Variants in EIF3J observed in about 807,000 individuals in gnomAD.
EIF3J encodes the protein eukaryotic translation initiation factor 3 subunit J, also known as eukaryotic translation initiation factor 3, subunit 1 (alpha, 35kD).
In EIF3J, 15 loss-of-function variants were observed where a neutral mutation model predicts 39.0. That is an observed-to-expected ratio of 0.38 (90% confidence interval 0.26 to 0.59). EIF3J has a LOEUF of 0.59. EIF3J is among the 20% of genes least tolerant of loss of function. EIF3J has a pLI of 0.60. For synonymous variants in EIF3J, 98 were observed against 112.9 expected, an observed-to-expected ratio of 0.87 and a Z score of 0.84; for missense variants, 226 against 308.6, an observed-to-expected ratio of 0.73 and a Z score of 2.00.
At chr15:44,553,973 C>T (rs1467550927) in intron 4 of EIF3J, among the ~76,000 whole-genome samples, 1 of 152,134 alleles carries the variant, frequency 6.6e-6, no homozygotes, top group Non-Finnish European at 1.5e-5. Flanking sequence ...GAAGTAACCC[C>T]AGTCTTCCTG....
intron 4 of EIF3J, among the ~76,000 whole-genome samples, chr15:44,553,013 C>T (rs2082113332): frequency 1.3e-5 from 2 of 151,682 alleles, no homozygotes; most frequent in Admixed American, 1.3e-4. Context: ...TAGGGAGACC[C>T]CGTCTCTACA....
intron 6 of EIF3J, among the ~76,000 whole-genome samples, chr15:44,559,495 CAGG>C (rs1183294917): frequency 2.6e-5 from 4 of 151,364 alleles, no homozygotes; most frequent in Admixed American, 1.3e-4. Context: ...CGGATCACGT[CAGG>C]AGATCAAGAG....
chr15:44,556,119 GCCTC>G (rs1483584683), intron 5 of EIF3J, among the ~76,000 whole-genome samples: 1 of 152,130 alleles, frequency 6.6e-6, no homozygotes, highest in African/African-American at 2.4e-5. Context: ...TGCCGCCTTG[GCCTC>G]CTAAAGTGCT....
chr15:44,562,405 G>T lies in EIF3J; in HGVS notation c.*1256G>T, dbSNP rs190869234. The T allele has an allele frequency of 6.6e-6, 1 of 152,630 alleles. No individual in the cohort carries two copies. The highest frequency in any genetic ancestry group is 1.5e-5 in the Non-Finnish European group (1 of 68,008). The allele number at this position is 152,630 out of a possible 1,614,324, so 9.5% of individuals were successfully genotyped here. ...TTATGGCTGTTAAGTATAGATTGGG[G>T]AATCTTTATTATGTCTTCTCCTAAG... On this transcript the variant is annotated 3_prime_UTR_variant, in exon 8 of 8. Coordinates refer to ENST00000261868, the MANE Select transcript of EIF3J (RefSeq NM_003758.4).
intron 2 of EIF3J, among the ~76,000 whole-genome samples, chr15:44,538,096 TCAA>T (rs2081975889): frequency 3.3e-5 from 5 of 152,186 alleles, no homozygotes; most frequent in Non-Finnish European, 7.4e-5. Flanking sequence ...CGACAGTTAC[TCAA>T]CTACACACAT....
intron 7 of EIF3J, chr15:44,560,707 T>C: frequency 2.9e-6 from 1 of 339,364 alleles, no homozygotes; most frequent in Non-Finnish European, 5.4e-6. Context: ...GCTTTGTGAT[T>C]TTAAATTGGG....
chr15:44,547,406 G>GT (rs2082062642), intron 2 of EIF3J, among the ~76,000 whole-genome samples: 1 of 149,346 alleles, frequency 6.7e-6, no homozygotes, highest in Non-Finnish European at 1.5e-5. Context: ...GCCTCCCAAA[G>GT]TGTTGGGATT....
rs2081965146 is a variant in EIF3J, at chr15:44,537,210, G to GGCGGCGT, written c.16_17insGCGGCGT (p.Ala6GlyfsTer48). 1 of 1,605,920 alleles carries GGCGGCGT rather than the reference G, an allele frequency of 6.2e-7. No homozygotes were observed. The highest frequency in any genetic ancestry group is 1.7e-5 in the Admixed American group (1 of 59,176). ...CCGGCTCGAGATGGCGGCGGCGGCGGCGGCGGCGGGGGACTCGGACTCCTG... is the reference window on the plus strand; with the variant it reads ...CCGGCTCGAGATGGCGGCGGCGGCGGGCGGCGTCGGCGGCGGGGGACTCGGACTCCTG... On this transcript the variant is annotated frameshift_variant, in exon 1 of 8. Coordinates refer to ENST00000261868, the MANE Select transcript of EIF3J (RefSeq NM_003758.4). LOFTEE classifies it high-confidence loss of function.
At chr15:44,537,665 C>T (rs998335963) in intron 2 of EIF3J, among the ~76,000 whole-genome samples, 1 of 152,232 alleles carries the variant, frequency 6.6e-6, no homozygotes. Context: ...ATCCCACCCG[C>T]CGGCTGGCGA....
rs958708033 is a variant in EIF3J at position 44,557,664 on chromosome 15, A to G, written c.571+14A>G. ...TGTGTATTTCATGTAAGTAATTCTAATTTCTAGCCCCTCTGGGTAGATTTT... is the reference window on the plus strand; with the variant it reads ...TGTGTATTTCATGTAAGTAATTCTAGTTTCTAGCCCCTCTGGGTAGATTTT... On this transcript the variant is annotated intron_variant, in intron 6 of 7. Coordinates refer to ENST00000261868, the MANE Select transcript of EIF3J (RefSeq NM_003758.4). 3 of 1,439,528 alleles carry G rather than the reference A, an allele frequency of 2.1e-6. No individual in the cohort carries two copies. Among genetic ancestry groups the G allele is most frequent in the Non-Finnish European group, 2.7e-6 (3 of 1,091,046 alleles). 89.2% of individuals were successfully genotyped at this position (1,439,528 alleles called of 1,614,324 possible).
chr15:44,555,188 C>T (rs941661035), intron 5 of EIF3J, among the ~76,000 whole-genome samples: 13 of 152,012 alleles, frequency 8.6e-5, no homozygotes, highest in African/African-American at 2.4e-4. Context: ...GTGGTTAGTG[C>T]GTGAGATAAA....
At chr15:44,551,248 C>T (rs2082096556) in intron 3 of EIF3J, among the ~76,000 whole-genome samples, 183 bp from the exon 4 acceptor site, 1 of 152,062 alleles carries the variant, frequency 6.6e-6, no homozygotes, top group African/African-American at 2.4e-5. Flanking sequence ...ATATTTGGAT[C>T]TTAGGGGTCA....
intron 2 of EIF3J, among the ~76,000 whole-genome samples, chr15:44,543,483 G>A (rs2082028525): frequency 6.7e-6 from 1 of 150,246 alleles, no homozygotes; most frequent in Non-Finnish European, 1.5e-5. Flanking sequence ...GCGCAGTCTC[G>A]GCTTACTGCA....
At chr15:44,537,496 C>G (rs2081969230) in intron 2 of EIF3J, 69 bp downstream of exon 2, 3 of 1,413,644 alleles carry the variant, frequency 2.1e-6, no homozygotes, top group Non-Finnish European at 2.8e-6. Context: ...ACTCTGGGCC[C>G]CGGGTCGCTG....
Position 44,560,891 on chromosome 15 carries a change from A to G in EIF3J, c.646-127A>G, listed in dbSNP as rs1017388776. The stretch of plus-strand genomic sequence containing the variant: ...TCAGGTCCAAAACATGTAGGCTCGG[A>G]TGTCCCTTACAGAACTAGTGTTTCT... On this transcript the variant is annotated intron_variant, in intron 7 of 7. Coordinates refer to ENST00000261868, the MANE Select transcript of EIF3J (RefSeq NM_003758.4). 19 of 1,291,816 alleles carry G rather than the reference A, an allele frequency of 1.5e-5. No homozygotes were observed. The African/African-American group carries it at 2.1e-4, about 14-fold the overall frequency. 80.0% of individuals were successfully genotyped at this position (1,291,816 alleles called of 1,614,324 possible).
chr15:44,548,213 G>A (rs541908447), intron 2 of EIF3J, among the ~76,000 whole-genome samples: 118 of 152,172 alleles, frequency 7.8e-4, no homozygotes, highest in Non-Finnish European at 1.4e-3. Flanking sequence ...TCAGGAGTTC[G>A]AGACCAGCCT....
intron 2 of EIF3J, among the ~76,000 whole-genome samples, chr15:44,540,235 CTATATATATATATA>C (rs1158019805): frequency 1.3e-5 from 1 of 76,260 alleles, no homozygotes; most frequent in African/African-American, 5.7e-5. Flanking sequence ...CCGCGCCTGG[CTATATATATATATA>C]TATATATATA....
At chr15:44,552,988 C>T (rs1039534930) in intron 4 of EIF3J, among the ~76,000 whole-genome samples, 18 of 151,344 alleles carry the variant, frequency 1.2e-4, no homozygotes, top group African/African-American at 4.1e-4. Flanking sequence ...GGATTTGAGA[C>T]CAGCCTGGAC....
At chr15:44,551,115 A>T (rs1320239114) in intron 3 of EIF3J, among the ~76,000 whole-genome samples, 185 bp downstream of exon 3, 1 of 152,218 alleles carries the variant, frequency 6.6e-6, no homozygotes, top group Non-Finnish European at 1.5e-5. Context: ...AAATATAATC[A>T]GATTAGATAC....
Sources: gnomAD v4.1 joint callset for allele counts (sites outside exome capture counted in the v4.1 genomes callset) on GRCh38, gnomAD v4.1.1 for gene constraint, MANE v1.5 for transcripts, NCBI Gene and HGNC (gene_info 2026-07-23, HGNC 2026-07-21) for gene names.